ERBB4: variants seen among roughly 807,000 people sequenced by gnomAD.
ERBB4 encodes the protein receptor tyrosine-protein kinase erbB-4.
In ERBB4, 42 loss-of-function variants were observed where a neutral mutation model predicts 158.0. The observed-to-expected ratio is 0.27, with a 90% CI of 0.21 to 0.34. ERBB4 has a LOEUF of 0.34. Among genes scored for constraint, ERBB4 ranks in the 10% least tolerant of loss-of-function variants. The pLI is 1.00. For missense variants in ERBB4, 1,333 were observed against 1,624.1 expected (o/e 0.82, Z 3.08); for synonymous variants, 583 against 558.7 (o/e 1.04, Z -0.61).
chr2:212,039,754 C>G (rs1173155657), intron 2 of ERBB4, among the ~76,000 whole-genome samples: 1 of 152,092 alleles, frequency 6.6e-6, no homozygotes, highest in Non-Finnish European at 1.5e-5. Context: ...GAGAGGTTAA[C>G]AGAGTCAGCA....
chr2:212,125,883 C>A (rs922654611), intron 1 of ERBB4, among the ~76,000 whole-genome samples: 21 of 152,100 alleles, frequency 1.4e-4, no homozygotes, highest in Non-Finnish European at 2.6e-4. Context: ...TGAGCATAAA[C>A]GTGCATGTGT....
At chr2:212,080,894 C>G (rs1169980301) in intron 2 of ERBB4, among the ~76,000 whole-genome samples, 2 of 152,138 alleles carry the variant, frequency 1.3e-5, no homozygotes, top group East Asian at 3.9e-4. Context: ...CCTCATAAAT[C>G]GAATATTATT....
intron 3 of ERBB4, among the ~76,000 whole-genome samples, chr2:211,878,305 AG>A (rs2078565675): frequency 1.3e-5 from 2 of 152,204 alleles, no homozygotes; most frequent in Non-Finnish European, 2.9e-5. Context: ...AAACAACTAA[AG>A]AAAAAAAATT....
chr2:211,393,577 GAA>G (rs1227697037), intron 25 of ERBB4, among the ~76,000 whole-genome samples: 2 of 152,030 alleles, frequency 1.3e-5, no homozygotes, highest in African/African-American at 4.8e-5. Flanking sequence ...TAGTTTTAGT[GAA>G]AAGAACTTAA....
chr2:212,145,082 A>T (rs987790580), intron 1 of ERBB4, among the ~76,000 whole-genome samples: 1 of 152,206 alleles, frequency 6.6e-6, no homozygotes, highest in African/African-American at 2.4e-5. Flanking sequence ...TTATGTCAAA[A>T]CATTTGGAGT....
At chr2:212,005,956 A>G (rs2076249371) in intron 2 of ERBB4, among the ~76,000 whole-genome samples, 1 of 151,868 alleles carries the variant, frequency 6.6e-6, no homozygotes, top group South Asian at 2.1e-4. Flanking sequence ...ACTAAAAACT[A>G]CATATTAGGA....
At chr2:212,035,937 A>C (rs1038361009) in intron 2 of ERBB4, among the ~76,000 whole-genome samples, 2 of 152,220 alleles carry the variant, frequency 1.3e-5, no homozygotes, top group Non-Finnish European at 2.9e-5. Flanking sequence ...TTTCCTATAG[A>C]GGAAAAGAAG....
chr2:212,481,370 C>G (rs1373410147), intron 1 of ERBB4, among the ~76,000 whole-genome samples: 4 of 152,102 alleles, frequency 2.6e-5, no homozygotes, highest in Non-Finnish European at 5.9e-5. Flanking sequence ...AAAAATCACT[C>G]TATGCAAATT....
chr2:212,075,866 T>A (rs2078259235), intron 2 of ERBB4, among the ~76,000 whole-genome samples: 1 of 151,958 alleles, frequency 6.6e-6, no homozygotes, highest in Non-Finnish European at 1.5e-5. Context: ...AATTCTCTTA[T>A]GACTAGAAAC....
intron 1 of ERBB4, among the ~76,000 whole-genome samples, chr2:212,319,978 A>C (rs1184278831): frequency 6.7e-6 from 1 of 150,086 alleles, no homozygotes; most frequent in African/African-American, 2.4e-5. Flanking sequence ...TTCCTTCCCC[A>C]AAAATCCCAC....
chr2:211,927,691 T>C (rs1213895835), intron 3 of ERBB4, among the ~76,000 whole-genome samples: 1 of 151,928 alleles, frequency 6.6e-6, no homozygotes, highest in Non-Finnish European at 1.5e-5. Flanking sequence ...AACAATCAGG[T>C]TCTACACTTA....
chr2:212,356,012 C>T (rs1351397191), intron 1 of ERBB4, among the ~76,000 whole-genome samples: 1 of 151,920 alleles, frequency 6.6e-6, no homozygotes, highest in Non-Finnish European at 1.5e-5. Flanking sequence ...AAATTAATTC[C>T]TCTTTATATA....
intron 3 of ERBB4, among the ~76,000 whole-genome samples, chr2:211,903,876 A>G: frequency 6.6e-6 from 1 of 152,050 alleles, no homozygotes; most frequent in East Asian, 1.9e-4. Context: ...AAAGAAACAC[A>G]ACTGCTGATA....
At chr2:211,445,900 G>T (rs1254407603) in intron 20 of ERBB4, among the ~76,000 whole-genome samples, 1 of 152,130 alleles carries the variant, frequency 6.6e-6, no homozygotes, top group East Asian at 1.9e-4. Context: ...AGGTTGAGAA[G>T]AAATGAAGGA....
At chr2:212,138,767 T>C (rs765395989) in intron 1 of ERBB4, among the ~76,000 whole-genome samples, 1 of 152,178 alleles carries the variant, frequency 6.6e-6, no homozygotes, top group Admixed American at 6.6e-5. Flanking sequence ...AAAATTGCTC[T>C]GACACAGACC....
intron 2 of ERBB4, among the ~76,000 whole-genome samples, chr2:211,968,436 A>G (rs555944142): frequency 1.3e-5 from 2 of 152,080 alleles, no homozygotes; most frequent in Non-Finnish European, 2.9e-5. Context: ...ACCAAATAGG[A>G]CATGATTAAG....
At chr2:212,109,045 C>A (rs1032339028) in intron 2 of ERBB4, among the ~76,000 whole-genome samples, 1 of 152,018 alleles carries the variant, frequency 6.6e-6, no homozygotes, top group Admixed American at 6.6e-5. Context: ...TCCTACTCTG[C>A]AGAATGTTGG....
intron 25 of ERBB4, among the ~76,000 whole-genome samples, chr2:211,388,814 G>C (rs913057280): frequency 2.0e-5 from 3 of 152,114 alleles, no homozygotes; most frequent in African/African-American, 7.2e-5. Context: ...GTAAGGAAAA[G>C]GAGTTGTATA....
chr2:211,995,825 G>A (rs919995136), intron 2 of ERBB4, among the ~76,000 whole-genome samples: 2 of 152,102 alleles, frequency 1.3e-5, no homozygotes, highest in Admixed American at 1.3e-4. Context: ...TGGAATAAGA[G>A]ATCCTTTTTA....
Sources: allele counts gnomAD v4.1 joint callset (sites outside exome capture counted in the v4.1 genomes callset), GRCh38; gene constraint gnomAD v4.1.1; transcripts MANE v1.5; gene names NCBI Gene and HGNC (gene_info 2026-07-23, HGNC 2026-07-21).